TSPAN18: variants seen among roughly 807,000 people sequenced by gnomAD.
The protein encoded by TSPAN18 is tetraspanin 18, also known as tetraspanin-18.
Under a neutral mutation model 27.3 loss-of-function variants are expected in TSPAN18, and 14 were observed. That is an observed-to-expected ratio of 0.51 (90% CI 0.34 to 0.80). The LOEUF is 0.80. Among genes scored for constraint, TSPAN18 ranks in the 30% least tolerant of loss-of-function variants. TSPAN18 has a pLI of 0.01. For synonymous variants in TSPAN18, 143 were observed against 136.5 expected, an observed-to-expected ratio of 1.05 and a Z score of -0.33; for missense variants, 268 against 323.9, an observed-to-expected ratio of 0.83 and a Z score of 1.32.
chr11:44,830,256 C>T (rs971433731), intron 2 of TSPAN18, among the ~76,000 whole-genome samples: 5 of 152,230 alleles, frequency 3.3e-5, no homozygotes, highest in African/African-American at 1.2e-4. Context: ...TTGGAGAAAC[C>T]TTCCTCTTCT....
chr11:44,827,225 C>G (rs952289034), intron 2 of TSPAN18, among the ~76,000 whole-genome samples: 4 of 152,372 alleles, frequency 2.6e-5, no homozygotes, highest in Non-Finnish European at 4.4e-5. Context: ...CCCAGGAGCT[C>G]TAGGCCCCGG....
chr11:44,755,956 G>A (rs1390525973), intron 1 of TSPAN18, among the ~76,000 whole-genome samples: 1 of 152,122 alleles, frequency 6.6e-6, no homozygotes, highest in Admixed American at 6.5e-5. Context: ...GAGAGAAATG[G>A]AGAGAGAGGG....
At position 44,931,227 on chromosome 11, in the gene TSPAN18, G is replaced by A. The variant is rs193250058; in HGVS notation, c.*2049G>A. ...CAGGGGGACCTGCCACTGGTACCGC[G>A]GCCCAGCCTGGGGCCTGGGGGCTGC... On this transcript the variant is annotated 3_prime_UTR_variant, in exon 10 of 10. Transcript: ENST00000520358. The A allele has an allele frequency of 2.6e-5, 8 of 303,574 alleles. No individual in the cohort carries two copies. Among genetic ancestry groups the A allele is most frequent in the East Asian group, 9.2e-5 (1 of 10,830 alleles). 18.8% of individuals were successfully genotyped at this position (303,574 alleles called of 1,614,324 possible).
At chr11:44,914,622 G>C (rs1219862191) in intron 5 of TSPAN18, among the ~76,000 whole-genome samples, 1 of 152,208 alleles carries the variant, frequency 6.6e-6, no homozygotes, top group African/African-American at 2.4e-5. Context: ...GGTGATGAGA[G>C]GCTGTGTTCT....
chr11:44,824,679 C>T (rs779533154), intron 2 of TSPAN18, among the ~76,000 whole-genome samples: 2 of 152,264 alleles, frequency 1.3e-5, no homozygotes, highest in African/African-American at 4.8e-5. Context: ...CGGCTCCTCA[C>T]ATCCCAGCCG....
chr11:44,871,646 T>C (rs1400416593), intron 3 of TSPAN18, among the ~76,000 whole-genome samples: 1 of 152,200 alleles, frequency 6.6e-6, no homozygotes, highest in Admixed American at 6.5e-5. Flanking sequence ...TCCCTCTTCA[T>C]ACCACCAGCC....
intron 2 of TSPAN18, among the ~76,000 whole-genome samples, chr11:44,854,424 G>C (rs1857684113): frequency 6.6e-6 from 1 of 152,164 alleles, no homozygotes; most frequent in Non-Finnish European, 1.5e-5. Context: ...GCCAGGCCAA[G>C]CCAGGTTGGC....
At chr11:44,873,035 C>CT (rs1565186202) in intron 3 of TSPAN18, among the ~76,000 whole-genome samples, 1 of 152,122 alleles carries the variant, frequency 6.6e-6, no homozygotes, top group Non-Finnish European at 1.5e-5. Flanking sequence ...GGAGGGCTTC[C>CT]TGGAGGTAGG....
At chr11:44,768,408 G>T (rs1219520603) in intron 2 of TSPAN18, among the ~76,000 whole-genome samples, 1 of 151,998 alleles carries the variant, frequency 6.6e-6, no homozygotes, top group Non-Finnish European at 1.5e-5. Context: ...CTTGCTCCTT[G>T]CTGGTAGATA....
At chr11:44,908,072 G>GAAAAA (rs1859524120) in intron 4 of TSPAN18, among the ~76,000 whole-genome samples, 2 of 92,486 alleles carry the variant, frequency 2.2e-5, no homozygotes, top group African/African-American at 8.7e-5. Context: ...AAAAAAAAAG[G>GAAAAA]AGAGAGACAC....
intron 2 of TSPAN18, among the ~76,000 whole-genome samples, chr11:44,779,176 G>GGTGCGC (rs1409301671): frequency 6.6e-6 from 1 of 152,014 alleles, no homozygotes. Flanking sequence ...TTTCCTTCTA[G>GGTGCGC]GTGCGCATGT....
intron 2 of TSPAN18, among the ~76,000 whole-genome samples, chr11:44,802,609 GCACA>G (rs3222524): frequency 9.8e-5 from 14 of 142,696 alleles, no homozygotes; most frequent in South Asian, 4.5e-4. Flanking sequence ...GGGAAGCACT[GCACA>G]CACACACACA....
At chr11:44,790,214 T>C (rs559063935) in intron 2 of TSPAN18, among the ~76,000 whole-genome samples, 9 of 150,928 alleles carry the variant, frequency 6.0e-5, no homozygotes, top group Non-Finnish European at 3.0e-5. Flanking sequence ...TGTGTGTGCA[T>C]GTTTGTGTAT....
intron 2 of TSPAN18, among the ~76,000 whole-genome samples, chr11:44,847,832 T>C (rs1857515745): frequency 6.6e-6 from 1 of 151,804 alleles, no homozygotes; most frequent in South Asian, 2.1e-4. Context: ...AAAGTAACTT[T>C]TGTTGCTTTT....
intron 2 of TSPAN18, among the ~76,000 whole-genome samples, chr11:44,803,945 A>T (rs1307734763): frequency 6.6e-6 from 1 of 152,164 alleles, no homozygotes; most frequent in Non-Finnish European, 1.5e-5. Context: ...CAGCACTTGG[A>T]TGGAAGTTTG....
In TSPAN18 at chr11:44,780,201, A is replaced by AAC. The variant is rs142371282; in HGVS notation, c.-153+15701_-153+15702dup. ...TCCCTGCCTCTCCCCCACTGTATGC[A>AAC]ACACACACACACATGCACACACACG... On this transcript the variant is annotated intron_variant, in intron 2 of 9. Transcript: ENST00000520358. Among the ~76,000 whole-genome samples the AAC allele has an allele frequency of 9.0e-3, 1,374 of 151,992 alleles. 16 individuals are homozygous for AAC. Among genetic ancestry groups the AAC allele is most frequent in the Middle Eastern group, 0.034 (10 of 290 alleles).
In TSPAN18 at chr11:44,892,403, G is replaced by A. The variant is rs1014517559; in HGVS notation, c.-10-14004G>A. On this transcript the variant is annotated intron_variant, in intron 3 of 9. Coordinates refer to ENST00000520358, the MANE Select transcript of TSPAN18 (RefSeq NM_130783.5). ...CTACACTTGGCTGTTGGAGGTGGAC[G>A]CTAGTGTCCTCAGGCCAAACACTCT... Among the ~76,000 whole-genome samples the A allele has an allele frequency of 5.3e-5, 8 of 152,218 alleles. No individual in the cohort carries two copies. The East Asian group carries it at 9.6e-4, about 18-fold the overall frequency.
chr11:44,808,506 G>A (rs529218619), intron 2 of TSPAN18, among the ~76,000 whole-genome samples: 3 of 152,168 alleles, frequency 2.0e-5, no homozygotes, highest in Non-Finnish European at 2.9e-5. Flanking sequence ...TGGGAACATG[G>A]GATCATCACC....
chr11:44,900,119 G>A (rs1358626155), intron 3 of TSPAN18, among the ~76,000 whole-genome samples: 1 of 152,224 alleles, frequency 6.6e-6, no homozygotes, highest in African/African-American at 2.4e-5. Flanking sequence ...GGAGCTAACA[G>A]CCAGGCAGGG....
Sources: allele counts gnomAD v4.1 joint callset (sites outside exome capture counted in the v4.1 genomes callset), GRCh38; gene constraint gnomAD v4.1.1; transcripts MANE v1.5; gene names NCBI Gene and HGNC (gene_info 2026-07-23, HGNC 2026-07-21).